Variants in CDK14 observed in about 807,000 individuals in gnomAD.
The protein encoded by CDK14 is cyclin dependent kinase 14, also known as cyclin-dependent kinase 14.
A neutral mutation model predicts 60.7 loss-of-function variants in CDK14; 34 were observed. The observed-to-expected ratio is 0.56, with a 90% CI of 0.43 to 0.75. The LOEUF is 0.75. Ranked by LOEUF, CDK14 falls within the 30% of genes least tolerant of loss-of-function variation. CDK14 has a pLI of 0.00. For synonymous variants in CDK14, 197 were observed against 203.7 expected (o/e 0.97, Z 0.28); for missense variants, 482 against 564.1 (o/e 0.85, Z 1.47).
intron 3 of CDK14, among the ~76,000 whole-genome samples, chr7:90,736,029 C>T (rs1803086167): frequency 6.6e-6 from 1 of 152,184 alleles, no homozygotes; most frequent in South Asian, 2.1e-4. Context: ...GGCCAGAGTG[C>T]ACTGTTCCTC....
intron 2 of CDK14, among the ~76,000 whole-genome samples, chr7:90,620,129 A>G (rs931678570): frequency 6.6e-6 from 1 of 152,232 alleles, no homozygotes; most frequent in Non-Finnish European, 1.5e-5. Context: ...ATCAATGTAT[A>G]GTATTTTTGT....
At chr7:90,898,014 CA>C (rs1007103360) in intron 6 of CDK14, among the ~76,000 whole-genome samples, 1 of 152,042 alleles carries the variant, frequency 6.6e-6, no homozygotes, top group African/African-American at 2.4e-5. Flanking sequence ...TTCTCTGACC[CA>C]TTTTCTTTGC....
At chr7:91,116,527 A>G (rs1799615300) in intron 13 of CDK14, among the ~76,000 whole-genome samples, 2 of 152,176 alleles carry the variant, frequency 1.3e-5, no homozygotes, top group African/African-American at 2.4e-5. Context: ...TATGTTCTGT[A>G]TATCATCCTA....
At chr7:90,661,767 G>A (rs575916779) in intron 2 of CDK14, among the ~76,000 whole-genome samples, 1 of 152,268 alleles carries the variant, frequency 6.6e-6, no homozygotes, top group South Asian at 2.1e-4. Context: ...TTCTTCTGTT[G>A]TCACTTGAAG....
rs1355021047 is a variant in CDK14 at position 91,209,156 on chromosome 7, G to A, written c.*2020G>A. Reference sequence around the variant, plus strand: ...AAGCAAGAGCAACTGATGATTAAATGTTGCTTTTTAATAAGGTTTTTAACT... The same window carrying A: ...AAGCAAGAGCAACTGATGATTAAATATTGCTTTTTAATAAGGTTTTTAACT... On this transcript the variant is annotated 3_prime_UTR_variant, in exon 15 of 15. Coordinates refer to ENST00000380050, the MANE Select transcript of CDK14 (RefSeq NM_001287135.2). 5 of 152,338 alleles carry A rather than the reference G, an allele frequency of 3.3e-5. No homozygotes were observed. Among genetic ancestry groups the A allele is most frequent in the Non-Finnish European group, 7.4e-5 (5 of 68,024 alleles). 9.4% of individuals were successfully genotyped at this position (152,338 alleles called of 1,614,324 possible).
At chr7:90,649,257 T>TTTGTTTCTTTGTTTCTTTC (rs1800539174) in intron 2 of CDK14, among the ~76,000 whole-genome samples, 1 of 24,640 alleles carries the variant, frequency 4.1e-5, no homozygotes, top group South Asian at 1.9e-3. Context: ...TCTTTCTTTC[T>TTTGTTTCTTTGTTTCTTTC]TTCTTTCTTT....
At chr7:90,950,264 C>T (rs995485739) in intron 8 of CDK14, among the ~76,000 whole-genome samples, 9 of 151,996 alleles carry the variant, frequency 5.9e-5, no homozygotes, top group African/African-American at 1.4e-4. Flanking sequence ...TCAATAGACA[C>T]GGGGTTTCAC....
chr7:90,692,441 T>C (rs1170998070), intron 2 of CDK14, among the ~76,000 whole-genome samples: 5 of 152,346 alleles, frequency 3.3e-5, no homozygotes, highest in African/African-American at 9.6e-5. Flanking sequence ...TATAAGCCAC[T>C]CTGGAAAATC....
intron 9 of CDK14, among the ~76,000 whole-genome samples, chr7:90,956,538 T>G (rs1317778461): frequency 6.6e-6 from 1 of 152,178 alleles, no homozygotes; most frequent in Non-Finnish European, 1.5e-5. Context: ...AATAAAATAA[T>G]TTCTTTTCAG....
chr7:90,709,258 C>A, intron 2 of CDK14: 1 of 445,970 alleles, frequency 2.2e-6, no homozygotes, highest in Non-Finnish European at 3.8e-6. Flanking sequence ...ACCATTTTAG[C>A]AGCTTTTGCA....
chr7:90,756,319 T>C (rs1316115841), intron 4 of CDK14, among the ~76,000 whole-genome samples: 1 of 152,248 alleles, frequency 6.6e-6, no homozygotes, highest in Non-Finnish European at 1.5e-5. Context: ...TTAATAACTC[T>C]ATTAAATTTT....
rs184551784 is a variant in CDK14 at position 90,605,214 on chromosome 7, A to G, written c.123+965A>G. On this transcript the variant is annotated intron_variant, in intron 2 of 14. Coordinates refer to ENST00000380050, the MANE Select transcript of CDK14 (RefSeq NM_001287135.2). ...TTGGCCATGTGGCTGGCTGTGGTGC[A>G]TGGCAGGTCTGCTCAGAGAGAACCT... Among the ~76,000 whole-genome samples the G allele has an allele frequency of 1.1e-3, 164 of 152,330 alleles. 1 individual carries two copies. Among genetic ancestry groups the G allele is most frequent in the African/African-American group, 3.9e-3 (161 of 41,566 alleles).
intron 2 of CDK14, among the ~76,000 whole-genome samples, chr7:90,612,738 C>T (rs1799567897): frequency 1.4e-5 from 2 of 144,798 alleles, no homozygotes; most frequent in Admixed American, 7.0e-5. Flanking sequence ...TGCCACTGCA[C>T]TCCAGCCCGG....
intron 8 of CDK14, among the ~76,000 whole-genome samples, chr7:90,951,408 T>C (rs1794259762): frequency 6.6e-6 from 1 of 152,230 alleles, no homozygotes; most frequent in Non-Finnish European, 1.5e-5. Context: ...ATACTATTTC[T>C]ATACCGTATT....
At chr7:90,949,102 A>G (rs1388259915) in intron 8 of CDK14, among the ~76,000 whole-genome samples, 2 of 151,976 alleles carry the variant, frequency 1.3e-5, no homozygotes, top group Non-Finnish European at 2.9e-5. Context: ...TTATTTGAAT[A>G]TTTTCTGTCT....
chr7:91,187,200 G>A (rs1802217739), intron 14 of CDK14, among the ~76,000 whole-genome samples: 1 of 152,026 alleles, frequency 6.6e-6, no homozygotes, highest in Non-Finnish European at 1.5e-5. Context: ...GTAGTTCTTT[G>A]TCATGTGCCA....
At position 90,644,144 on chromosome 7, in the gene CDK14, A is replaced by G. The variant is rs567969219; in HGVS notation, c.123+39895A>G. On this transcript the variant is annotated intron_variant, in intron 2 of 14. Coordinates refer to ENST00000380050, the MANE Select transcript of CDK14 (RefSeq NM_001287135.2). ...GCAGGAAGGCAGACATCTGCAAGCT[A>G]GGAAAAGGGTCCTGACCAGGAACCA... 6.6e-5 allele frequency among the ~76,000 whole-genome samples: 10 copies of G among 152,346 alleles called. No individual in the cohort carries two copies. The South Asian group carries it at 2.1e-3, about 32-fold the overall frequency.
intron 12 of CDK14, among the ~76,000 whole-genome samples, chr7:91,089,983 T>A (rs3779585): frequency 6.6e-6 from 1 of 152,298 alleles, no homozygotes; most frequent in South Asian, 2.1e-4. Context: ...CCTTCCTATC[T>A]TAGAATTCTG....
At chr7:90,773,411 A>G (rs1328309517) in intron 4 of CDK14, among the ~76,000 whole-genome samples, 1 of 152,254 alleles carries the variant, frequency 6.6e-6, no homozygotes, top group Non-Finnish European at 1.5e-5. Context: ...TATCTATCAC[A>G]CAGAGGTATT....
Sources: allele counts gnomAD v4.1 joint callset (sites outside exome capture counted in the v4.1 genomes callset), GRCh38; gene constraint gnomAD v4.1.1; transcripts MANE v1.5; gene names NCBI Gene and HGNC (gene_info 2026-07-23, HGNC 2026-07-21).